MTMR10: variants seen among roughly 807,000 people sequenced by gnomAD.
The protein encoded by MTMR10 is myotubularin-related protein 10.
Under a neutral mutation model 88.1 loss-of-function variants are expected in MTMR10, and 56 were observed. The observed-to-expected ratio is 0.64, with a 90% CI of 0.51 to 0.79. MTMR10 has a LOEUF of 0.79. Among genes scored for constraint, MTMR10 ranks in the 30% least tolerant of loss-of-function variants. MTMR10 has a pLI of 0.00. For synonymous variants in MTMR10, 380 were observed against 340.9 expected (o/e 1.11, Z -1.26); for missense variants, 883 against 924.7 (o/e 0.95, Z 0.58).
chr15:30,929,710 T>TATAATATATATGAAATATATAATATATC, the MTMR10 span, among the ~76,000 whole-genome samples: 6 of 81,596 alleles, frequency 7.4e-5, no homozygotes, highest in African/African-American at 1.9e-4. Context: ...TATTATATCA[T>TATAATATATATGAAATATATAATATATC]ATATAATATA....
chr15:30,989,419 T>G (rs530035250), intron 2 of MTMR10, among the ~76,000 whole-genome samples: 8 of 152,262 alleles, frequency 5.3e-5, no homozygotes, highest in African/African-American at 1.9e-4. Flanking sequence ...AACCAAAGTT[T>G]GGTGTTTTTA....
chr15:30,945,829 C>A (rs946741738), intron 14 of MTMR10, among the ~76,000 whole-genome samples: 4 of 152,194 alleles, frequency 2.6e-5, no homozygotes, highest in African/African-American at 4.8e-5. Flanking sequence ...GGCTCTATCA[C>A]CCAGGCTGGA....
the MTMR10 span, among the ~76,000 whole-genome samples, chr15:30,922,024 G>C: frequency 7.2e-5 from 11 of 152,320 alleles, no homozygotes; most frequent in African/African-American, 2.6e-4. Context: ...GGCAGGGACC[G>C]GGTGAAGAGT....
intron 2 of MTMR10, among the ~76,000 whole-genome samples, chr15:30,979,862 C>T (rs907222586): frequency 6.6e-6 from 1 of 152,176 alleles, no homozygotes; most frequent in African/African-American, 2.4e-5. Context: ...AAACCATGGC[C>T]CACGGGCCAA....
intron 5 of MTMR10, among the ~76,000 whole-genome samples, chr15:30,972,790 C>G (rs921867089): frequency 6.6e-6 from 1 of 152,122 alleles, no homozygotes; most frequent in African/African-American, 2.4e-5. Context: ...AAATGACCAA[C>G]AAGTACTACA....
Position 30,940,573 on chromosome 15 carries a change from C to G in MTMR10, c.*897G>C. On this transcript the variant is annotated 3_prime_UTR_variant, in exon 16 of 16. Coordinates refer to ENST00000435680, the MANE Select transcript of MTMR10 (RefSeq NM_017762.3). ...CAAGCCCAGCACGCCTCCCAGCAAGCCTTGTTTGTTTTTGAGGGCGAGTTT... is the reference window on the plus strand; with the variant it reads ...CAAGCCCAGCACGCCTCCCAGCAAGGCTTGTTTGTTTTTGAGGGCGAGTTT... 1.0e-6 allele frequency: 1 copy of G among 985,454 alleles called. No homozygotes were observed. The highest frequency in any genetic ancestry group is 1.2e-6 in the Non-Finnish European group (1 of 830,058). The allele number at this position is 985,454 out of a possible 1,614,324, so 61.0% of individuals were successfully genotyped here.
chr15:30,930,658 G>A, the MTMR10 span: 1 of 1,612,842 alleles, frequency 6.2e-7, no homozygotes, highest in Non-Finnish European at 8.5e-7. Flanking sequence ...AACTCCCAGA[G>A]CCGTCACTTT....
intron 6 of MTMR10, among the ~76,000 whole-genome samples, chr15:30,967,585 T>C (rs1344173830): frequency 6.6e-6 from 1 of 152,220 alleles, no homozygotes; most frequent in African/African-American, 2.4e-5. Context: ...CTGCCAGTTT[T>C]CTTAAAAGAT....
At chr15:30,952,093 A>G in intron 11 of MTMR10, 55 bp from the exon 12 acceptor site, 1 of 1,406,270 alleles carries the variant, frequency 7.1e-7, no homozygotes, top group South Asian at 1.2e-5. Flanking sequence ...CTACAAATAC[A>G]TAAAGTACTT....
At position 30,966,014 on chromosome 15, in the gene MTMR10, GATCT is replaced by G. The variant is rs59322018; in HGVS notation, c.565+1902_565+1905del. On this transcript the variant is annotated intron_variant, in intron 6 of 15. Transcript: ENST00000435680. Reference sequence around the variant, plus strand: ...TGTGTGGAAATTTCAGGCTCCTTTTGATCTTAAAGATGCAGTATTTATGCTTCTG... The same window carrying G: ...TGTGTGGAAATTTCAGGCTCCTTTTGTAAAGATGCAGTATTTATGCTTCTG... 2.0e-3 allele frequency: 920 copies of G among 455,274 alleles called. 6 individuals carry two copies. The highest frequency in any genetic ancestry group is 0.017 in the African/African-American group (835 of 50,132). 28.2% of individuals were successfully genotyped at this position (455,274 alleles called of 1,614,324 possible).
intron 14 of MTMR10, among the ~76,000 whole-genome samples, chr15:30,945,393 G>T (rs749441178): frequency 6.6e-6 from 1 of 152,168 alleles, no homozygotes; most frequent in African/African-American, 2.4e-5. Flanking sequence ...TTCATTCCTG[G>T]TGAGAAGTCT....
chr15:30,945,009 TAAAAA>T (rs77847532), intron 14 of MTMR10, among the ~76,000 whole-genome samples: 1 of 137,628 alleles, frequency 7.3e-6, no homozygotes, highest in Non-Finnish European at 1.6e-5. Flanking sequence ...CAAACTGTCT[TAAAAA>T]AAAAAAAAAA....
chr15:30,945,239 G>A lies in MTMR10; in HGVS notation c.1548+1891C>T, dbSNP rs185417922. ...GACCAGTTCCTGCTAGGGAGGAAGGGAGAGGGGGATTCATGTTAGTATTTG... is the reference window on the plus strand; with the variant it reads ...GACCAGTTCCTGCTAGGGAGGAAGGAAGAGGGGGATTCATGTTAGTATTTG... On this transcript the variant is annotated intron_variant, in intron 14 of 15. Transcript: ENST00000435680. Among the ~76,000 whole-genome samples the A allele has an allele frequency of 4.1e-3, 624 of 152,286 alleles. 17 individuals are homozygous for A. The highest frequency in any genetic ancestry group is 9.8e-4 in the Non-Finnish European group (67 of 68,028).
chr15:30,947,150 G>C lies in MTMR10; in HGVS notation c.1528C>G (p.Gln510Glu), dbSNP rs1415392943. The change falls in exon 14 of 16, where the codon CAG (glutamine) becomes GAG (glutamate). Residue 510 changes from glutamine to glutamate, a missense_variant. Gln to Glu is a conservative substitution (Grantham distance 29). This residue lies in a region of MTMR10 where 126 missense variants were observed against 178.2 expected (regional missense o/e 0.71). Transcript: ENST00000435680. ...CTTACCGTGCTTTGCTTCACTCGCT[G>C]GTGAGGGGAGTTGAACAGGAAGGTG... ...FGTFLFNSPH[Q>E]RVKQSTEFAI... is the part of the protein sequence containing the mutation. The C allele has an allele frequency of 6.2e-7, 1 of 1,610,544 alleles. No individual in the cohort carries two copies. Among genetic ancestry groups the C allele is most frequent in the Admixed American group, 1.7e-5 (1 of 59,196 alleles).
chr15:30,926,652 A>G, the MTMR10 span: 270 of 985,142 alleles, frequency 2.7e-4, 1 homozygote, highest in African/African-American at 4.4e-3. Flanking sequence ...GCCAGTGAAG[A>G]CAGAGAGATA....
intron 3 of MTMR10, among the ~76,000 whole-genome samples, chr15:30,976,579 A>G (rs1256204143): frequency 1.3e-5 from 2 of 152,364 alleles, no homozygotes; most frequent in Non-Finnish European, 2.9e-5. Context: ...AAGGACATAT[A>G]ATGAACGATC....
chr15:30,929,493 T>C, the MTMR10 span: 3 of 792,870 alleles, frequency 3.8e-6, no homozygotes, highest in Non-Finnish European at 6.0e-6. Context: ...CATGTGTGTA[T>C]ATGTAAATAC....
chr15:30,972,956 C>G (rs900751877), intron 5 of MTMR10, among the ~76,000 whole-genome samples: 29 of 152,176 alleles, frequency 1.9e-4, no homozygotes, highest in African/African-American at 6.5e-4. Flanking sequence ...CTAACTCAAT[C>G]TAGCAAGTTC....
At chr15:30,966,328 T>C (rs1188642533) in intron 6 of MTMR10, among the ~76,000 whole-genome samples, 3 of 152,154 alleles carry the variant, frequency 2.0e-5, no homozygotes, top group Non-Finnish European at 4.4e-5. Flanking sequence ...AAGGTATGAA[T>C]GAAGAAAAAT....
Sources: allele counts gnomAD v4.1 joint callset (sites outside exome capture counted in the v4.1 genomes callset), GRCh38; gene constraint gnomAD v4.1.1; regional missense constraint gnomAD v4.1.1; transcripts MANE v1.5; gene names NCBI Gene and HGNC (gene_info 2026-07-23, HGNC 2026-07-21).